The following CADM2 variants were observed in gnomAD, a reference collection of about 807,000 sequenced individuals.
CADM2 encodes immunoglobulin superfamily member 4D.
CADM2 carries 12 observed loss-of-function variants against 49.8 expected under a neutral mutation model. The ratio of observed to expected loss-of-function variants is 0.24; its 90% CI spans 0.15 to 0.39. The LOEUF is 0.39. Among genes scored for constraint, CADM2 ranks in the 10% least tolerant of loss-of-function variants. The probability of loss-of-function intolerance (pLI) is 1.00; values close to 1 mark genes in which losing one functional copy is unlikely to be tolerated. For synonymous variants in CADM2, 214 were observed against 175.4 expected (o/e 1.22, Z -1.74); for missense variants, 378 against 492.3 (o/e 0.77, Z 2.20).
intron 1 of CADM2, among the ~76,000 whole-genome samples, chr3:85,418,067 T>TA (rs1176151884): frequency 6.6e-6 from 1 of 152,152 alleles, no homozygotes; most frequent in Non-Finnish European, 1.5e-5. Context: ...ATTTGTTTTT[T>TA]CAGTAAATAT....
chr3:85,573,470 G>A (rs1468960868), intron 1 of CADM2, among the ~76,000 whole-genome samples: 2 of 151,934 alleles, frequency 1.3e-5, no homozygotes, highest in Admixed American at 1.3e-4. Flanking sequence ...GCATTATAGG[G>A]GCATTATAGG....
At chr3:85,002,179 C>G (rs775686285) in intron 1 of CADM2, among the ~76,000 whole-genome samples, 1 of 151,970 alleles carries the variant, frequency 6.6e-6, no homozygotes, top group Non-Finnish European at 1.5e-5. Context: ...CAATTACTGT[C>G]GATATCAATT....
intron 1 of CADM2, among the ~76,000 whole-genome samples, chr3:84,967,180 A>G (rs1300738705): frequency 1.3e-5 from 2 of 152,134 alleles, no homozygotes; most frequent in African/African-American, 4.8e-5. Flanking sequence ...TTGATTTGCT[A>G]TAATTTATAA....
intron 2 of CADM2, among the ~76,000 whole-genome samples, chr3:85,736,616 G>T (rs887144668): frequency 6.6e-6 from 1 of 151,988 alleles, no homozygotes; most frequent in African/African-American, 2.4e-5. Context: ...ATATTTACAG[G>T]GTTTTCTTTT....
At chr3:85,541,110 T>A (rs2061528131) in intron 1 of CADM2, among the ~76,000 whole-genome samples, 1 of 151,054 alleles carries the variant, frequency 6.6e-6, no homozygotes, top group South Asian at 2.1e-4. Flanking sequence ...TAAAATATAA[T>A]CTAATTTTCA....
intron 6 of CADM2, among the ~76,000 whole-genome samples, chr3:85,930,430 A>G (rs551373499): frequency 1.3e-5 from 2 of 152,248 alleles, no homozygotes; most frequent in East Asian, 1.9e-4. Context: ...CCCCTCAAGC[A>G]TTTATTCTTT....
intron 1 of CADM2, among the ~76,000 whole-genome samples, chr3:85,515,615 A>ATGTG (rs150769388): frequency 7.2e-5 from 8 of 110,658 alleles, no homozygotes; most frequent in African/African-American, 2.3e-4. Flanking sequence ...CCACTAATAT[A>ATGTG]TATATATATA....
At chr3:85,063,363 G>A (rs115738299) in intron 1 of CADM2, among the ~76,000 whole-genome samples, 324 of 151,822 alleles carry the variant, frequency 2.1e-3, no homozygotes, top group Non-Finnish European at 3.9e-3. Context: ...TTTAATCTCC[G>A]ATGATCCACG....
intron 1 of CADM2, among the ~76,000 whole-genome samples, chr3:85,284,900 A>G (rs543315550): frequency 1.3e-5 from 2 of 152,184 alleles, no homozygotes; most frequent in South Asian, 4.1e-4. Flanking sequence ...CATCGAATAT[A>G]CATGAAGGGA....
At chr3:85,047,915 T>C (rs1057394954) in intron 1 of CADM2, among the ~76,000 whole-genome samples, 4 of 152,172 alleles carry the variant, frequency 2.6e-5, no homozygotes, top group African/African-American at 9.6e-5. Context: ...TTTTGTGATG[T>C]GCAAGTTTTC....
intron 2 of CADM2, among the ~76,000 whole-genome samples, chr3:85,756,469 T>C (rs1184308031): frequency 6.6e-6 from 1 of 152,162 alleles, no homozygotes; most frequent in Non-Finnish European, 1.5e-5. Flanking sequence ...AATACACATA[T>C]AATTAAATTT....
chr3:85,688,225 C>A (rs187286349), intron 1 of CADM2, among the ~76,000 whole-genome samples: 3 of 152,118 alleles, frequency 2.0e-5, no homozygotes, highest in African/African-American at 7.2e-5. Flanking sequence ...GAGATAGGAC[C>A]GTTTGCATAT....
At chr3:86,000,510 TTC>T (rs1372506888) in intron 8 of CADM2, among the ~76,000 whole-genome samples, 3 of 151,930 alleles carry the variant, frequency 2.0e-5, no homozygotes, top group African/African-American at 7.3e-5. Context: ...ATATATAGAG[TTC>T]TCTGATTTGC....
At chr3:85,618,449 G>T (rs1009476488) in intron 1 of CADM2, among the ~76,000 whole-genome samples, 7 of 152,002 alleles carry the variant, frequency 4.6e-5, no homozygotes, top group African/African-American at 1.4e-4. Context: ...GTTTGTTTTC[G>T]CATATCTAAC....
intron 3 of CADM2, among the ~76,000 whole-genome samples, chr3:85,833,180 C>T (rs558252325): frequency 9.2e-5 from 14 of 151,760 alleles, no homozygotes; most frequent in African/African-American, 3.4e-4. Flanking sequence ...TTAATCGTGG[C>T]GAATTAGCTT....
chr3:86,057,663 T>C (rs1334186581), intron 8 of CADM2, among the ~76,000 whole-genome samples: 1 of 152,188 alleles, frequency 6.6e-6, no homozygotes, highest in Admixed American at 6.5e-5. Context: ...TGAATTAATC[T>C]GGAGGAGTAA....
chr3:85,145,225 A>G (rs1024500664), intron 1 of CADM2, among the ~76,000 whole-genome samples: 1 of 152,214 alleles, frequency 6.6e-6, no homozygotes, highest in Non-Finnish European at 1.5e-5. Flanking sequence ...TCACACTAAA[A>G]TGACCACATT....
At chr3:85,407,287 A>T (rs1387753209) in intron 1 of CADM2, among the ~76,000 whole-genome samples, 1 of 152,120 alleles carries the variant, frequency 6.6e-6, no homozygotes, top group Non-Finnish European at 1.5e-5. Flanking sequence ...AGCCAAATTA[A>T]TATGTCCCCT....
At chr3:85,790,811 G>C (rs1392395964) in intron 2 of CADM2, among the ~76,000 whole-genome samples, 1 of 152,126 alleles carries the variant, frequency 6.6e-6, no homozygotes, top group Non-Finnish European at 1.5e-5. Context: ...CCCTGCCTTG[G>C]TCTGGCAGTT....
Sources: gnomAD v4.1 joint callset for allele counts (sites outside exome capture counted in the v4.1 genomes callset) on GRCh38, gnomAD v4.1.1 for gene constraint, MANE v1.5 for transcripts, NCBI Gene and HGNC (gene_info 2026-07-23, HGNC 2026-07-21) for gene names.